TRIM37: variants seen among roughly 807,000 people sequenced by gnomAD.
TRIM37 encodes the protein tripartite motif containing 37, also known as E3 ubiquitin-protein ligase TRIM37.
In TRIM37, 80 loss-of-function variants were observed where a neutral mutation model predicts 129.8. The ratio of observed to expected loss-of-function variants is 0.62; its 90% CI spans 0.51 to 0.74. The LOEUF is 0.74. Among genes scored for constraint, TRIM37 ranks in the 30% least tolerant of loss-of-function variants. TRIM37 has a pLI of 0.00. For missense variants in TRIM37, 1,054 were observed against 1,176.5 expected (o/e 0.90, Z 1.52); for synonymous variants, 389 against 387.1 (o/e 1.00, Z -0.06).
chr17:59,029,069 A>G (rs2037545600), intron 18 of TRIM37, among the ~76,000 whole-genome samples: 1 of 152,204 alleles, frequency 6.6e-6, no homozygotes, highest in Non-Finnish European at 1.5e-5. Flanking sequence ...TTGAAAAAAA[A>G]GACAAAGAAA....
chr17:59,004,996 A>C (rs2034286560), intron 22 of TRIM37, among the ~76,000 whole-genome samples: 1 of 152,224 alleles, frequency 6.6e-6, no homozygotes, highest in Non-Finnish European at 1.5e-5. Context: ...AAGTAGGGGA[A>C]AAAGAAAAAG....
chr17:59,075,759 T>C, intron 7 of TRIM37, 45 bp from the exon 8 acceptor site: 5 of 1,393,172 alleles, frequency 3.6e-6, no homozygotes, highest in Non-Finnish European at 5.1e-6. Flanking sequence ...TCATTATTGG[T>C]TTAAGAATGA....
At chr17:58,984,039 T>A (rs575768700) in intron 24 of TRIM37, 1 of 152,748 alleles carries the variant, frequency 6.5e-6, no homozygotes, top group Non-Finnish European at 1.5e-5. Context: ...GGGCTATTAA[T>A]CCCATTTAGG....
chr17:59,029,271 A>G (rs764917370), intron 18 of TRIM37, among the ~76,000 whole-genome samples: 1 of 152,210 alleles, frequency 6.6e-6, no homozygotes, highest in Non-Finnish European at 1.5e-5. Flanking sequence ...GTACAAAAAA[A>G]AATTTTTTTA....
intron 4 of TRIM37, among the ~76,000 whole-genome samples, chr17:59,087,789 A>T (rs2043905374): frequency 1.3e-5 from 2 of 152,200 alleles, no homozygotes; most frequent in South Asian, 4.1e-4. Flanking sequence ...TGGACAGTGA[A>T]GCCTTACAAT....
chr17:58,980,225 C>T, downstream of TRIM37: 1 of 1,614,112 alleles, frequency 6.2e-7, no homozygotes, highest in South Asian at 1.1e-5. The surrounding 1 kb of genome is among the most constrained non-coding windows in gnomAD (Gnocchi z 4.7). Context: ...TGTGGTATTC[C>T]TGAGGGACAT....
At chr17:59,022,254 A>T (rs902492249) in intron 19 of TRIM37, among the ~76,000 whole-genome samples, 3 of 152,098 alleles carry the variant, frequency 2.0e-5, no homozygotes, top group South Asian at 2.1e-4. Flanking sequence ...GTGTTTTTTT[A>T]AAAAAAGTAT....
intron 13 of TRIM37, among the ~76,000 whole-genome samples, chr17:59,054,967 A>T (rs1238702952): frequency 6.6e-6 from 1 of 152,026 alleles, no homozygotes; most frequent in African/African-American, 2.4e-5. Flanking sequence ...CACCTGGCTA[A>T]ATAGGGCTGT....
At chr17:58,983,855 T>C (rs1486853074) in intron 24 of TRIM37, 4 of 152,618 alleles carry the variant, frequency 2.6e-5, no homozygotes, top group Non-Finnish European at 1.5e-5. Flanking sequence ...GAGTGTAATA[T>C]TGGTTAGGGA....
chr17:59,003,264 C>T (rs1251956248), intron 22 of TRIM37, among the ~76,000 whole-genome samples: 4 of 152,166 alleles, frequency 2.6e-5, no homozygotes, highest in Non-Finnish European at 4.4e-5. Context: ...TCTGTTTCTA[C>T]TGGGCTCTGA....
chr17:58,980,027 G>C (rs1306609740), downstream of TRIM37: 2 of 1,614,018 alleles, frequency 1.2e-6, no homozygotes, highest in African/African-American at 1.3e-5. This position sits in a 1 kb window ranked among gnomAD's most constrained non-coding sequence, Gnocchi z 4.7. Flanking sequence ...TGCCTCCACT[G>C]TTCTGGATGG....
At chr17:58,995,085 G>C (rs1173917604), downstream of TRIM37, among the ~76,000 whole-genome samples, 1 of 151,648 alleles carries the variant, frequency 6.6e-6, no homozygotes, top group Non-Finnish European at 1.5e-5. Flanking sequence ...GTCTCACTCT[G>C]TCACGCAGGC....
In TRIM37 at chr17:59,022,475, G is replaced by A. The variant is rs186607512; in HGVS notation, c.2258-5051C>T. 3.3e-3 allele frequency among the ~76,000 whole-genome samples: 510 copies of A among 152,320 alleles called. 6 individuals carry two copies. The highest frequency in any genetic ancestry group is 0.012 in the African/African-American group (501 of 41,570). Reference sequence around the variant, plus strand: ...AAGAAAAGAGGCAGTTTGGTATTAGGGTGAAGGGCATAGGCTCTGAAGTTC... The same window carrying A: ...AAGAAAAGAGGCAGTTTGGTATTAGAGTGAAGGGCATAGGCTCTGAAGTTC... On this transcript the variant is annotated intron_variant, in intron 19 of 23. Coordinates refer to ENST00000262294, the MANE Select transcript of TRIM37 (RefSeq NM_015294.6).
chr17:58,995,367 G>GT (rs2032882343), downstream of TRIM37, among the ~76,000 whole-genome samples: 1 of 151,442 alleles, frequency 6.6e-6, no homozygotes, highest in Non-Finnish European at 1.5e-5. Context: ...CATGGCTGGG[G>GT]TAGGCATCTT....
At chr17:59,027,486 T>A (rs2037370599) in intron 19 of TRIM37, among the ~76,000 whole-genome samples, 1 of 152,164 alleles carries the variant, frequency 6.6e-6, no homozygotes, top group South Asian at 2.1e-4. Flanking sequence ...TTAAGAGAAC[T>A]AAGAAAGATG....
At chr17:58,999,851 A>C (rs1239917916) in intron 23 of TRIM37, among the ~76,000 whole-genome samples, 1 of 152,232 alleles carries the variant, frequency 6.6e-6, no homozygotes, top group African/African-American at 2.4e-5. Context: ...TTCAAGTATC[A>C]CTACAAAAAC....
chr17:59,012,797 A>G (rs1439636499), intron 21 of TRIM37, among the ~76,000 whole-genome samples: 1 of 150,990 alleles, frequency 6.6e-6, no homozygotes, highest in Non-Finnish European at 1.5e-5. Flanking sequence ...AATTTCTTGA[A>G]CCCGGGACGT....
At chr17:59,002,388 C>T (rs2045970236) in intron 22 of TRIM37, among the ~76,000 whole-genome samples, 1 of 152,064 alleles carries the variant, frequency 6.6e-6, no homozygotes, top group South Asian at 2.1e-4. Context: ...GTACATGACA[C>T]CATGCCCTGC....
At chr17:59,106,234 C>T (rs2045976198) in intron 1 of TRIM37, among the ~76,000 whole-genome samples, 1 of 152,196 alleles carries the variant, frequency 6.6e-6, no homozygotes, top group Non-Finnish European at 1.5e-5. Flanking sequence ...AGGATACGCA[C>T]CACCTGACTG....
Sources: gnomAD v4.1 joint callset for allele counts (sites outside exome capture counted in the v4.1 genomes callset) on GRCh38, gnomAD v4.1.1 for gene constraint, Gnocchi (gnomAD v3.1) non-coding constraint, MANE v1.5 for transcripts, NCBI Gene and HGNC (gene_info 2026-07-23, HGNC 2026-07-21) for gene names.